Variants in MACROD2 observed in about 807,000 individuals in gnomAD.
The protein encoded by MACROD2 is mono-ADP ribosylhydrolase 2.
A neutral mutation model predicts 70.4 loss-of-function variants in MACROD2; 36 were observed. The observed-to-expected ratio is 0.51, with a 90% CI of 0.39 to 0.68. The LOEUF (loss-of-function observed/expected upper bound fraction) is 0.68, where lower values mean the gene tolerates loss of function less well. Among genes scored for constraint, MACROD2 ranks in the 30% least tolerant of loss-of-function variants. MACROD2 has a pLI of 0.00. For missense variants in MACROD2, 496 were observed against 538.4 expected (o/e 0.92, Z 0.78); for synonymous variants, 172 against 178.8 (o/e 0.96, Z 0.30).
intron 5 of MACROD2, among the ~76,000 whole-genome samples, chr20:14,745,067 A>G (rs1430272642): frequency 1.3e-5 from 2 of 152,140 alleles, no homozygotes; most frequent in Non-Finnish European, 2.9e-5. Context: ...GCTATCCTAT[A>G]TTAGATTTCT....
chr20:14,757,842 G>A, intron 5 of MACROD2: 1 of 1,521,690 alleles, frequency 6.6e-7, no homozygotes, highest in South Asian at 1.1e-5. Context: ...GCCACTCTAT[G>A]CCGTAGCCGT....
chr20:14,691,581 T>G (rs775982195), intron 5 of MACROD2, among the ~76,000 whole-genome samples: 2 of 152,102 alleles, frequency 1.3e-5, no homozygotes, highest in Non-Finnish European at 2.9e-5. Context: ...TTTCCTCCAG[T>G]GGTGTTAGCT....
At chr20:14,687,190 C>A (rs2071012681) in intron 5 of MACROD2, among the ~76,000 whole-genome samples, 1 of 152,136 alleles carries the variant, frequency 6.6e-6, no homozygotes, top group Admixed American at 6.6e-5. Context: ...TGTCCTTAAA[C>A]CAAGTAATAT....
chr20:15,251,453 A>T (rs571432672), intron 6 of MACROD2, among the ~76,000 whole-genome samples: 2 of 152,280 alleles, frequency 1.3e-5, no homozygotes, highest in South Asian at 2.1e-4. Context: ...GCATTTCAGG[A>T]TGAGGAGGCA....
intron 8 of MACROD2, among the ~76,000 whole-genome samples, chr20:15,615,094 A>G (rs2049019808): frequency 6.6e-6 from 1 of 152,182 alleles, no homozygotes; most frequent in African/African-American, 2.4e-5. Context: ...AAGGGTAGCC[A>G]AGGTGAAGGC....
intron 6 of MACROD2, among the ~76,000 whole-genome samples, chr20:15,255,932 G>C (rs969886852): frequency 1.3e-5 from 2 of 152,088 alleles, no homozygotes; most frequent in Non-Finnish European, 2.9e-5. Flanking sequence ...GGGAGCCCAG[G>C]AAACTGACTT....
At chr20:14,104,423 C>T (rs975970906) in intron 3 of MACROD2, among the ~76,000 whole-genome samples, 4 of 152,192 alleles carry the variant, frequency 2.6e-5, no homozygotes, top group African/African-American at 7.2e-5. Flanking sequence ...GTCACTGCTT[C>T]TCCTCCTGAA....
intron 5 of MACROD2, among the ~76,000 whole-genome samples, chr20:14,974,908 A>G (rs2074724700): frequency 6.6e-6 from 1 of 152,170 alleles, no homozygotes; most frequent in African/African-American, 2.4e-5. Flanking sequence ...CTGTTTGCAC[A>G]AAGGCACACA....
intron 5 of MACROD2, among the ~76,000 whole-genome samples, chr20:15,205,280 T>A (rs892096385): frequency 1.3e-5 from 2 of 152,198 alleles, no homozygotes; most frequent in African/African-American, 4.8e-5. Flanking sequence ...TCAGTCAAAT[T>A]AATGCCATCA....
chr20:15,629,598 C>T (rs1377341620), intron 8 of MACROD2, among the ~76,000 whole-genome samples: 1 of 152,198 alleles, frequency 6.6e-6, no homozygotes, highest in East Asian at 1.9e-4. Context: ...ATTCACTTGC[C>T]TTTGCTGTAT....
intron 5 of MACROD2, among the ~76,000 whole-genome samples, chr20:15,069,935 C>A (rs2075606356): frequency 6.6e-6 from 1 of 152,180 alleles, no homozygotes; most frequent in Non-Finnish European, 1.5e-5. Context: ...GGGGTTGCCA[C>A]CCTCTAGACA....
At chr20:14,740,887 T>G (rs989404834) in intron 5 of MACROD2, among the ~76,000 whole-genome samples, 2 of 152,190 alleles carry the variant, frequency 1.3e-5, no homozygotes, top group African/African-American at 4.8e-5. Flanking sequence ...TGTTGGGGAT[T>G]AGCATACTGG....
At chr20:15,427,360 A>G (rs368512869) in intron 6 of MACROD2, among the ~76,000 whole-genome samples, 13 of 152,340 alleles carry the variant, frequency 8.5e-5, no homozygotes, top group African/African-American at 3.1e-4. Flanking sequence ...AGGCAAATGA[A>G]ACTTGTCATT....
At chr20:14,214,767 C>T (rs1336370292) in intron 3 of MACROD2, among the ~76,000 whole-genome samples, 1 of 151,802 alleles carries the variant, frequency 6.6e-6, no homozygotes, top group Non-Finnish European at 1.5e-5. Context: ...CCACTCTTTC[C>T]CCCAAGTACC....
At chr20:15,300,721 AG>A (rs1312820859) in intron 6 of MACROD2, among the ~76,000 whole-genome samples, 19 of 152,216 alleles carry the variant, frequency 1.2e-4, no homozygotes, top group African/African-American at 4.6e-4. Context: ...CCACATGTGA[AG>A]CAACTGGGTT....
chr20:15,635,834 G>A (rs1232264813), intron 8 of MACROD2, among the ~76,000 whole-genome samples: 2 of 151,908 alleles, frequency 1.3e-5, no homozygotes, highest in African/African-American at 4.8e-5. Flanking sequence ...TTGGGAGGCC[G>A]AGGCAGGCGG....
At chr20:14,932,315 A>G (rs1238771949) in intron 5 of MACROD2, among the ~76,000 whole-genome samples, 1 of 152,162 alleles carries the variant, frequency 6.6e-6, no homozygotes, top group African/African-American at 2.4e-5. Flanking sequence ...ACTCACTTTC[A>G]GCTAAGCAAG....
chr20:14,006,268 C>T lies in MACROD2; in HGVS notation c.163+3864C>T, dbSNP rs568575818. Among the ~76,000 whole-genome samples, 18 of 152,284 alleles carry T rather than the reference C, an allele frequency of 1.2e-4. No homozygotes were observed. The South Asian group carries it at 2.5e-3, about 21-fold the overall frequency. ...TCACCTAACAACGCCTTTCTCAGAACGTATTCCATTGTTAAGCAATGCCTG... is the reference window on the plus strand; with the variant it reads ...TCACCTAACAACGCCTTTCTCAGAATGTATTCCATTGTTAAGCAATGCCTG... On this transcript the variant is annotated intron_variant, in intron 2 of 17. Transcript: ENST00000684519.
chr20:14,052,002 T>C (rs370297874), intron 2 of MACROD2: 61 of 494,386 alleles, frequency 1.2e-4, no homozygotes, highest in Non-Finnish European at 2.1e-4. Flanking sequence ...GAACAAGTTA[T>C]GGAAAGAAAG....
Sources: allele counts gnomAD v4.1 joint callset (sites outside exome capture counted in the v4.1 genomes callset), GRCh38; gene constraint gnomAD v4.1.1; transcripts MANE v1.5; gene names NCBI Gene and HGNC (gene_info 2026-07-23, HGNC 2026-07-21).